The following ADAM9 variants were observed in gnomAD, a reference collection of about 807,000 sequenced individuals.
ADAM9 encodes ADAM metallopeptidase domain 9, also known as disintegrin and metalloproteinase domain-containing protein 9.
ADAM9 carries 54 observed loss-of-function variants against 108.1 expected under a neutral mutation model. That is an observed-to-expected ratio of 0.50 (90% CI 0.40 to 0.63). The LOEUF (loss-of-function observed/expected upper bound fraction) is 0.63. Ranked by LOEUF, ADAM9 falls within the 20% of genes least tolerant of loss-of-function variation. The probability of loss-of-function intolerance (pLI) is 0.00; values close to 1 mark genes in which losing one functional copy is unlikely to be tolerated. For missense variants in ADAM9, 830 were observed against 997.7 expected (o/e 0.83, Z 2.26); for synonymous variants, 316 against 336.0 (o/e 0.94, Z 0.65).
At chr8:39,086,932 G>A (rs529949215) in intron 18 of ADAM9, among the ~76,000 whole-genome samples, 2 of 152,170 alleles carry the variant, frequency 1.3e-5, no homozygotes, top group East Asian at 1.9e-4. Context: ...AGGAGCAAGT[G>A]CTCTTCCTAG....
At chr8:39,045,027 T>C (rs1361801831) in intron 12 of ADAM9, among the ~76,000 whole-genome samples, 4 of 127,720 alleles carry the variant, frequency 3.1e-5, no homozygotes, top group African/African-American at 6.7e-5. Context: ...TATGTGTGTG[T>C]GCATACATAC....
chr8:39,096,676 CTT>C (rs1458061778), intron 20 of ADAM9, among the ~76,000 whole-genome samples: 6 of 152,040 alleles, frequency 3.9e-5, no homozygotes, highest in Non-Finnish European at 1.5e-5. Context: ...TTTCCTTTCT[CTT>C]CACCTTTTTT....
At chr8:39,024,271 G>A (rs910565751) in intron 9 of ADAM9, among the ~76,000 whole-genome samples, 4 of 151,994 alleles carry the variant, frequency 2.6e-5, no homozygotes, top group Non-Finnish European at 5.9e-5. Flanking sequence ...TAGTAAAATC[G>A]TACGCTCACA....
At chr8:39,103,452 C>G (rs1449026581) in intron 21 of ADAM9, among the ~76,000 whole-genome samples, 155 bp from the exon 22 acceptor site, 2 of 151,860 alleles carry the variant, frequency 1.3e-5, no homozygotes, top group Admixed American at 1.3e-4. Context: ...AGCCTTTTAG[C>G]CATTGAATAT....
intron 15 of ADAM9, chr8:39,076,315 G>A (rs1194307566): frequency 6.6e-6 from 1 of 152,210 alleles, no homozygotes; most frequent in Non-Finnish European, 1.5e-5. Context: ...TCCTAAAATA[G>A]CTGCTGTGTG....
intron 8 of ADAM9, among the ~76,000 whole-genome samples, chr8:39,022,384 C>T (rs1399186887): frequency 6.6e-6 from 1 of 151,964 alleles, no homozygotes; most frequent in African/African-American, 2.4e-5. Context: ...CTCTGATGTA[C>T]CTGTGATTAA....
At position 39,017,421 on chromosome 8, in the gene ADAM9, AAATAACAT is replaced by A. The variant is rs1836571446; in HGVS notation, c.606+11_606+18del. 1 of 1,612,478 alleles carries A rather than the reference AAATAACAT, an allele frequency of 6.2e-7. No homozygotes were observed. The highest frequency in any genetic ancestry group is 8.5e-7 in the Non-Finnish European group (1 of 1,178,902). On this transcript the variant is annotated splice_region_variant and intron_variant, in intron 6 of 21. Transcript: ENST00000487273. ...CATGACTCAGCTACTTCGAGTAAGG[AAATAACAT>A]AATTCTTCATGGCTCAGACTACCAT... is the stretch of plus-strand genomic sequence containing the variant.
At chr8:39,054,618 A>G (rs537436544) in intron 13 of ADAM9, 45 bp downstream of exon 13, 61 of 1,522,648 alleles carry the variant, frequency 4.0e-5, no homozygotes, top group South Asian at 2.5e-4. Context: ...AAAAAAAAAA[A>G]AAAAGAAAAC....
chr8:39,078,029 T>C (rs1424945103), intron 16 of ADAM9, among the ~76,000 whole-genome samples: 2 of 151,986 alleles, frequency 1.3e-5, no homozygotes, highest in African/African-American at 4.8e-5. Context: ...GGGAGCAGGA[T>C]TGTTGAGTAA....
chr8:39,086,106 C>T (rs1199179248), intron 18 of ADAM9, among the ~76,000 whole-genome samples: 2 of 152,180 alleles, frequency 1.3e-5, no homozygotes, highest in East Asian at 1.9e-4. Flanking sequence ...TCTCTGCCTC[C>T]GGGGTTCAAG....
chr8:39,037,042 C>T (rs569715195), intron 11 of ADAM9, among the ~76,000 whole-genome samples: 2 of 145,724 alleles, frequency 1.4e-5, no homozygotes, highest in African/African-American at 2.5e-5. Flanking sequence ...CATATGCCTG[C>T]GCAAGTTCTT....
chr8:39,092,370 A>C, intron 20 of ADAM9, among the ~76,000 whole-genome samples: 2 of 149,660 alleles, frequency 1.3e-5, no homozygotes, highest in African/African-American at 2.5e-5. Context: ...TCCCTATTCC[A>C]CCCCCTTTAT....
At chr8:39,031,705 G>C (rs1837100089) in intron 11 of ADAM9, among the ~76,000 whole-genome samples, 1 of 152,238 alleles carries the variant, frequency 6.6e-6, no homozygotes, top group Admixed American at 6.5e-5. Context: ...GCGAGGAGCT[G>C]TGATCCTTTG....
At chr8:39,067,756 C>T (rs1035134412) in intron 14 of ADAM9, among the ~76,000 whole-genome samples, 1 of 152,122 alleles carries the variant, frequency 6.6e-6, no homozygotes, top group Non-Finnish European at 1.5e-5. Context: ...TGCCTGATTG[C>T]CCTGGCCAGA....
At chr8:39,052,330 A>G (rs1453862771) in intron 12 of ADAM9, among the ~76,000 whole-genome samples, 1 of 151,972 alleles carries the variant, frequency 6.6e-6, no homozygotes, top group African/African-American at 2.4e-5. Context: ...CTTCTTTTAA[A>G]TTGATTTTTA....
At chr8:39,045,017 T>C (rs568532091) in intron 12 of ADAM9, among the ~76,000 whole-genome samples, 4 of 104,548 alleles carry the variant, frequency 3.8e-5, no homozygotes, top group Non-Finnish European at 8.0e-5. Flanking sequence ...TATGTATGTG[T>C]ATGTGTGTGT....
rs191377143 is a variant in ADAM9, at chr8:39,028,008, A to G, written c.1130+1198A>G. 3.6e-3 allele frequency among the ~76,000 whole-genome samples: 554 copies of G among 152,290 alleles called. 3 individuals are homozygous for G. The highest frequency in any genetic ancestry group is 3.6e-3 in the Non-Finnish European group (244 of 68,018). On this transcript the variant is annotated intron_variant, in intron 11 of 21. Coordinates refer to ENST00000487273, the MANE Select transcript of ADAM9 (RefSeq NM_003816.3). ...GAGGTTGAGGCAGGAGGATCACTTG[A>G]GCCCAGGAGTTCAAGGCTGCAGTGA... is the stretch of plus-strand genomic sequence containing the variant.
intron 14 of ADAM9, among the ~76,000 whole-genome samples, chr8:39,058,450 C>T (rs887542685): frequency 6.6e-6 from 1 of 152,160 alleles, no homozygotes. Context: ...TGTAGTCCTT[C>T]CTAGATTGGG....
chr8:39,079,808 T>G (rs929206787), intron 16 of ADAM9, among the ~76,000 whole-genome samples: 5 of 152,140 alleles, frequency 3.3e-5, no homozygotes, highest in Non-Finnish European at 7.4e-5. Context: ...TGGTCTCGAA[T>G]TCCTAACCTC....
Sources: allele counts gnomAD v4.1 joint callset (sites outside exome capture counted in the v4.1 genomes callset), GRCh38; gene constraint gnomAD v4.1.1; transcripts MANE v1.5; gene names NCBI Gene and HGNC (gene_info 2026-07-23, HGNC 2026-07-21).